POC1A: variants seen among roughly 807,000 people sequenced by gnomAD.
POC1A encodes the protein POC1 centriolar protein A.
A neutral mutation model predicts 47.8 loss-of-function variants in POC1A; 34 were observed. That is an observed-to-expected ratio of 0.71 (90% CI 0.54 to 0.95). The LOEUF is 0.95. Ranked by LOEUF, POC1A falls within the 40% of genes least tolerant of loss-of-function variation. The pLI is 0.00. For synonymous variants in POC1A, 177 were observed against 207.6 expected, an observed-to-expected ratio of 0.85 and a Z score of 1.27; for missense variants, 466 against 528.3, an observed-to-expected ratio of 0.88 and a Z score of 1.16.
At position 52,151,089 on chromosome 3, in the gene POC1A, C is replaced by A; in HGVS notation, c.30G>T (p.Ser10=). Residue 10 remains serine (S), a synonymous_variant, in exon 2 of 11, where the codon TCG becomes TCT. Coordinates refer to ENST00000296484, the MANE Select transcript of POC1A (RefSeq NM_015426.5). ...GGTGGCCCTTAAAATGCCTTTCCAG[C>A]GAGGGGTCCTCCTGAGAGAGAGCCA... MAAPCAEDP[S]LERHFKGHRD... 1.9e-6 allele frequency: 3 copies of A among 1,613,534 alleles called. No individual in the cohort carries two copies. The highest frequency in any genetic ancestry group is 2.5e-6 in the Non-Finnish European group (3 of 1,179,706).
chr3:52,152,593 TATAA>T (rs1698594192), intron 1 of POC1A, among the ~76,000 whole-genome samples: 1 of 151,492 alleles, frequency 6.6e-6, no homozygotes, highest in Admixed American at 6.6e-5. Flanking sequence ...ATAAAATAAA[TATAA>T]ATAAATAAAA....
chr3:52,152,772 A>G (rs568581957), intron 1 of POC1A, among the ~76,000 whole-genome samples: 1 of 152,332 alleles, frequency 6.6e-6, no homozygotes, highest in African/African-American at 2.4e-5. Flanking sequence ...ATCCATCAAC[A>G]CATGACTGAA....
rs189084553 is a variant in POC1A at position 52,148,303 on chromosome 3, T to C, written c.455+907A>G. On this transcript the variant is annotated intron_variant, in intron 4 of 10. Coordinates refer to ENST00000296484, the MANE Select transcript of POC1A (RefSeq NM_015426.5). ...ATCTCAGGACCCTAGTCATAAAGCC[T>C]CTAAGAGCCATCAGGGGTCTCCCAG... 5.2e-4 allele frequency among the ~76,000 whole-genome samples: 79 copies of C among 152,256 alleles called. No individual in the cohort carries two copies. In the East Asian group the frequency reaches 0.014, roughly 28 times the overall value.
chr3:52,083,928 T>G (rs753759015), intron 10 of POC1A, among the ~76,000 whole-genome samples: 27 of 152,300 alleles, frequency 1.8e-4, no homozygotes, highest in Non-Finnish European at 3.7e-4. Flanking sequence ...GAGGCCAGGG[T>G]GCTTGGCCTC....
intron 9 of POC1A, among the ~76,000 whole-genome samples, chr3:52,098,522 C>T (rs1036510510): frequency 3.9e-5 from 6 of 152,188 alleles, no homozygotes; most frequent in Non-Finnish European, 8.8e-5. Flanking sequence ...TTAAAGACAG[C>T]GGCCATGGCA....
At chr3:52,125,016 G>T in intron 8 of POC1A, 97 bp downstream of exon 8, 1 of 970,284 alleles carries the variant, frequency 1.0e-6, no homozygotes, top group South Asian at 1.5e-5. Flanking sequence ...GGAAGCTGGC[G>T]AAACCCAGCC....
chr3:52,087,760 C>T (rs1036339314), intron 10 of POC1A, among the ~76,000 whole-genome samples: 1 of 152,200 alleles, frequency 6.6e-6, no homozygotes, highest in Non-Finnish European at 1.5e-5. Flanking sequence ...TTCATAAAAC[C>T]GGATGCTCCT....
intron 1 of POC1A, among the ~76,000 whole-genome samples, chr3:52,151,829 T>G (rs1698569221): frequency 6.6e-6 from 1 of 151,608 alleles, no homozygotes; most frequent in African/African-American, 2.4e-5. Context: ...AAATCCCAGG[T>G]GTCTTTTTTG....
At chr3:52,101,421 C>T (rs1415571350) in intron 9 of POC1A, among the ~76,000 whole-genome samples, 1 of 151,988 alleles carries the variant, frequency 6.6e-6, no homozygotes, top group African/African-American at 2.4e-5. Context: ...TGTCAAGAGA[C>T]AAAGCAGTCA....
intron 9 of POC1A, among the ~76,000 whole-genome samples, chr3:52,109,380 G>C (rs1305337699): frequency 6.6e-6 from 1 of 152,114 alleles, no homozygotes; most frequent in African/African-American, 2.4e-5. Context: ...GAATGTTGAA[G>C]CTAGGTGAGT....
rs752272812 is a variant in POC1A, at chr3:52,147,135, G to A, written c.456-40C>T. The A allele has an allele frequency of 4.1e-6, 6 of 1,465,910 alleles. No homozygotes were observed. In the African/African-American group the frequency reaches 6.9e-5, roughly 17 times the overall value. 90.8% of individuals were successfully genotyped at this position (1,465,910 alleles called of 1,614,324 possible). On this transcript the variant is annotated intron_variant, in intron 4 of 10. Transcript: ENST00000296484. ...GCACAAGTCACATCACAGACTAACA[G>A]ACGACATGGGCACCACACACCTTCT...
At chr3:52,087,310 C>T (rs1425144747) in intron 10 of POC1A, among the ~76,000 whole-genome samples, 1 of 152,180 alleles carries the variant, frequency 6.6e-6, no homozygotes, top group African/African-American at 2.4e-5. Flanking sequence ...TGATGTCTGA[C>T]ATGCTAACAT....
intron 9 of POC1A, among the ~76,000 whole-genome samples, chr3:52,118,314 A>T (rs968388005): frequency 2.6e-5 from 4 of 152,180 alleles, no homozygotes; most frequent in African/African-American, 7.2e-5. Context: ...CTCCTCATGC[A>T]CAACTCAGCC....
Position 52,154,386 on chromosome 3 carries a change from G to A in POC1A, c.-14C>T, listed in dbSNP as rs1462509174. ...GGGCGCAGCCATGGCGGGGCTGGCG[G>A]CGCCGAAGGCAGCTGCGGTGGCCGT... On this transcript the variant is annotated 5_prime_UTR_variant, in exon 1 of 11. Coordinates refer to ENST00000296484, the MANE Select transcript of POC1A (RefSeq NM_015426.5). 1.4e-6 allele frequency: 2 copies of A among 1,472,054 alleles called. No homozygotes were observed. The highest frequency in any genetic ancestry group is 1.8e-6 in the Non-Finnish European group (2 of 1,117,826). 91.2% of individuals were successfully genotyped at this position (1,472,054 alleles called of 1,614,324 possible).
chr3:52,089,970 G>C (rs1702591865), intron 10 of POC1A, among the ~76,000 whole-genome samples: 1 of 139,452 alleles, frequency 7.2e-6, no homozygotes, highest in South Asian at 2.3e-4. Flanking sequence ...TGGGGGTGGG[G>C]GTGGGGGAGC....
chr3:52,151,278 A>C, intron 1 of POC1A, 178 bp from the exon 2 acceptor site: 1 of 839,684 alleles, frequency 1.2e-6, no homozygotes, highest in Non-Finnish European at 1.7e-6. Flanking sequence ...AATAGTTTTT[A>C]CTATTTGAAT....
At position 52,144,287 on chromosome 3, in the gene POC1A, G is replaced by T. The variant is rs1577917348; in HGVS notation, c.679+1559C>A. On this transcript the variant is annotated intron_variant, in intron 6 of 10. Coordinates refer to ENST00000296484, the MANE Select transcript of POC1A (RefSeq NM_015426.5). ...AGCCCCAGCCCTTCACTCAGGCCTG[G>T]CCCAGAGCAGAAGGCTGAAGGAAGG... Among the ~76,000 whole-genome samples the T allele has an allele frequency of 3.9e-5, 6 of 152,308 alleles. 1 individual carries two copies. In the South Asian group the frequency reaches 1.2e-3, roughly 32 times the overall value.
chr3:52,096,311 G>T (rs150485003), intron 10 of POC1A, among the ~76,000 whole-genome samples: 1 of 152,220 alleles, frequency 6.6e-6, no homozygotes, highest in Non-Finnish European at 1.5e-5. Context: ...CAGTGGCCCA[G>T]GCCAGCTCTA....
chr3:52,151,473 T>C (rs1389370296), intron 1 of POC1A, among the ~76,000 whole-genome samples: 1 of 152,104 alleles, frequency 6.6e-6, no homozygotes, highest in Non-Finnish European at 1.5e-5. Flanking sequence ...TAGCCGGGCA[T>C]GGTGGCAGGC....
Sources: allele counts gnomAD v4.1 joint callset (sites outside exome capture counted in the v4.1 genomes callset), GRCh38; gene constraint gnomAD v4.1.1; transcripts MANE v1.5; gene names NCBI Gene and HGNC (gene_info 2026-07-23, HGNC 2026-07-21).